The following DPH6 variants were observed in gnomAD, a reference collection of about 807,000 sequenced individuals.
DPH6 encodes diphthamine biosynthesis 6, also known as diphthine--ammonia ligase.
In DPH6, 33 loss-of-function variants were observed where a neutral mutation model predicts 38.2. That is an observed-to-expected ratio of 0.86 (90% CI 0.65 to 1.15). The LOEUF (loss-of-function observed/expected upper bound fraction) is 1.15, where lower values mean the gene tolerates loss of function less well. DPH6 is among the 50% of genes most tolerant of loss of function. The pLI is 0.00. For synonymous variants in DPH6, 108 were observed against 103.0 expected (o/e 1.05, Z -0.30); for missense variants, 325 against 320.0 (o/e 1.02, Z -0.12).
At chr15:35,149,047 C>G in the DPH6 span, among the ~76,000 whole-genome samples, 9 of 151,968 alleles carry the variant, frequency 5.9e-5, no homozygotes, top group Non-Finnish European at 1.0e-4. Flanking sequence ...ACTTCCCTCC[C>G]CACAGTATCT....
chr15:35,254,259 C>A (rs978621312), intron 3 of DPH6, among the ~76,000 whole-genome samples: 4 of 152,172 alleles, frequency 2.6e-5, no homozygotes, highest in African/African-American at 9.6e-5. Flanking sequence ...TGTCAATGGC[C>A]TGTCCCTGAA....
chr15:35,334,294 T>G (rs2052350263), intron 3 of DPH6, among the ~76,000 whole-genome samples: 1 of 152,150 alleles, frequency 6.6e-6, no homozygotes, highest in African/African-American at 2.4e-5. Context: ...TTAAAATAGG[T>G]ACATACACAA....
chr15:35,470,033 A>G (rs547026325), intron 3 of DPH6, among the ~76,000 whole-genome samples: 98 of 152,226 alleles, frequency 6.4e-4, no homozygotes, highest in Non-Finnish European at 1.1e-3. Flanking sequence ...CCCTGTCTCT[A>G]CTAAAAATAC....
At chr15:35,361,008 A>C (rs1831896402) in intron 3 of DPH6, among the ~76,000 whole-genome samples, 1 of 152,200 alleles carries the variant, frequency 6.6e-6, no homozygotes, top group African/African-American at 2.4e-5. Context: ...GCCGGGACTA[A>C]GTTTGTTGGC....
chr15:35,240,778 C>T (rs2051592284), intron 3 of DPH6, among the ~76,000 whole-genome samples: 1 of 143,980 alleles, frequency 6.9e-6, no homozygotes. Context: ...GGTCAAAAGG[C>T]CGTCTTATTC....
chr15:35,388,386 T>C (rs1169036893), intron 6 of DPH6, among the ~76,000 whole-genome samples: 1 of 152,260 alleles, frequency 6.6e-6, no homozygotes, highest in African/African-American at 2.4e-5. Context: ...TTCCTCTTTT[T>C]CTATTGATTG....
At chr15:35,400,093 CA>C (rs1325121107) in intron 6 of DPH6, among the ~76,000 whole-genome samples, 1 of 152,130 alleles carries the variant, frequency 6.6e-6, no homozygotes, top group African/African-American at 2.4e-5. Flanking sequence ...AGGAAACTGA[CA>C]AAATACTTCT....
chr15:35,341,128 T>G (rs1012296596), intron 3 of DPH6, among the ~76,000 whole-genome samples: 1 of 152,182 alleles, frequency 6.6e-6, no homozygotes, highest in African/African-American at 2.4e-5. Context: ...GAAGATCGTC[T>G]TCAAACTCTG....
intron 6 of DPH6, among the ~76,000 whole-genome samples, chr15:35,402,218 T>C (rs1173005306): frequency 6.6e-6 from 1 of 152,216 alleles, no homozygotes; most frequent in Non-Finnish European, 1.5e-5. Flanking sequence ...GGAATTTATA[T>C]ACAACCTGCT....
intron 3 of DPH6, among the ~76,000 whole-genome samples, chr15:35,343,174 G>A (rs2052435618): frequency 6.6e-6 from 1 of 152,102 alleles, no homozygotes; most frequent in Non-Finnish European, 1.5e-5. Flanking sequence ...ACAACAAAAT[G>A]TAAGATATCT....
At chr15:35,179,679 T>C in the DPH6 span, among the ~76,000 whole-genome samples, 7 of 152,190 alleles carry the variant, frequency 4.6e-5, no homozygotes, top group Admixed American at 4.6e-4. Context: ...CATATGTTTC[T>C]TGCAAGCCCC....
chr15:35,496,567 A>AAAAAAAAAAAAAAAATATATAT, intron 3 of DPH6, among the ~76,000 whole-genome samples: 4 of 31,010 alleles, frequency 1.3e-4, no homozygotes, highest in African/African-American at 4.1e-4. Flanking sequence ...AAAAAAAAAA[A>AAAAAAAAAAAAAAAATATATAT]ATATATATAT....
At chr15:35,271,356 G>T (rs761048679) in intron 3 of DPH6, among the ~76,000 whole-genome samples, 1 of 152,094 alleles carries the variant, frequency 6.6e-6, no homozygotes, top group Non-Finnish European at 1.5e-5. Flanking sequence ...GAAGAAAAGG[G>T]ATATGAAAAT....
At chr15:35,468,130 G>A (rs2054150831) in intron 3 of DPH6, among the ~76,000 whole-genome samples, 1 of 152,126 alleles carries the variant, frequency 6.6e-6, no homozygotes, top group South Asian at 2.1e-4. Flanking sequence ...TCAACATTCA[G>A]TCACCCAAAC....
intron 7 of DPH6, among the ~76,000 whole-genome samples, chr15:35,380,311 C>A (rs558034558): frequency 3.3e-5 from 5 of 152,296 alleles, no homozygotes; most frequent in Admixed American, 3.3e-4. Flanking sequence ...CCCTTCATGC[C>A]ACTGTCTCTG....
At chr15:35,500,887 C>G (rs1471691011) in intron 3 of DPH6, among the ~76,000 whole-genome samples, 1 of 151,964 alleles carries the variant, frequency 6.6e-6, no homozygotes, top group East Asian at 1.9e-4. Flanking sequence ...ATTACAGGCA[C>G]CTGCCACCAC....
chr15:35,260,131 C>T (rs746197903), intron 3 of DPH6, among the ~76,000 whole-genome samples: 2 of 151,978 alleles, frequency 1.3e-5, no homozygotes, highest in Admixed American at 6.6e-5. Context: ...TTTTTTGAGA[C>T]AGAGTCTTGC....
At chr15:35,337,141 T>A (rs1348171821) in intron 3 of DPH6, among the ~76,000 whole-genome samples, 8 of 152,212 alleles carry the variant, frequency 5.3e-5, no homozygotes, top group Non-Finnish European at 1.2e-4. Context: ...ATTGGTCTAT[T>A]CAGAGATTCA....
At chr15:35,422,499 CTG>C (rs1207546948) in intron 5 of DPH6, among the ~76,000 whole-genome samples, 3 of 151,936 alleles carry the variant, frequency 2.0e-5, no homozygotes, top group Non-Finnish European at 4.4e-5. Flanking sequence ...TATGCAAACA[CTG>C]TAAAATATTC....
Sources: gnomAD v4.1 joint callset for allele counts (sites outside exome capture counted in the v4.1 genomes callset) on GRCh38, gnomAD v4.1.1 for gene constraint, MANE v1.5 for transcripts, NCBI Gene and HGNC (gene_info 2026-07-23, HGNC 2026-07-21) for gene names.